The following CACNB2 variants were observed in gnomAD, a reference collection of about 807,000 sequenced individuals.
The protein encoded by CACNB2 is voltage-dependent L-type calcium channel subunit beta-2.
A neutral mutation model predicts 73.3 loss-of-function variants in CACNB2; 42 were observed. The observed-to-expected ratio is 0.57, with a 90% CI of 0.45 to 0.74. The LOEUF (loss-of-function observed/expected upper bound fraction) is 0.74. CACNB2 is among the 30% of genes least tolerant of loss of function. The pLI, the probability that CACNB2 is intolerant of heterozygous loss-of-function variation, is 0.00. For synonymous variants in CACNB2, 348 were observed against 310.3 expected, an observed-to-expected ratio of 1.12 and a Z score of -1.28; for missense variants, 940 against 853.0, an observed-to-expected ratio of 1.10 and a Z score of -1.27.
chr10:18,371,217 T>A (rs1016778688), intron 2 of CACNB2, among the ~76,000 whole-genome samples: 13 of 152,090 alleles, frequency 8.5e-5, no homozygotes, highest in Admixed American at 3.9e-4. Context: ...TTGTTTTTTT[T>A]AATTATACTT....
Position 18,444,243 on chromosome 10 carries a change from A to C in CACNB2, c.333+42200A>C, listed in dbSNP as rs1035021193. 7.2e-5 allele frequency among the ~76,000 whole-genome samples: 11 copies of C among 152,208 alleles called. No homozygotes were observed. In the South Asian group the frequency reaches 2.1e-3, roughly 29 times the overall value. ...AGTGCCCTTAGAAAAGAAGCCCCAG[A>C]GAGCTTCCTCATCCTTTCCACCAGG... On this transcript the variant is annotated intron_variant, in intron 3 of 13. Transcript: ENST00000324631.
At chr10:18,259,552 A>G in intron 2 of CACNB2, among the ~76,000 whole-genome samples, 1 of 122,168 alleles carries the variant, frequency 8.2e-6, no homozygotes, top group Admixed American at 8.2e-5. Context: ...TGAAAAAAAA[A>G]CAAAAAACAA....
intron 2 of CACNB2, among the ~76,000 whole-genome samples, chr10:18,292,333 G>A (rs138107692): frequency 9.8e-4 from 149 of 152,296 alleles, no homozygotes; most frequent in African/African-American, 3.3e-3. Flanking sequence ...ACAACGGCAT[G>A]TTAATCCTAA....
intron 2 of CACNB2, among the ~76,000 whole-genome samples, chr10:18,297,527 C>T (rs933311765): frequency 1.3e-5 from 2 of 152,144 alleles, no homozygotes; most frequent in Non-Finnish European, 2.9e-5. Context: ...CACTGCATTC[C>T]GGCCTGGATG....
chr10:18,490,405 A>G (rs998190717), intron 3 of CACNB2, among the ~76,000 whole-genome samples: 2 of 152,212 alleles, frequency 1.3e-5, no homozygotes, highest in Admixed American at 6.5e-5. Context: ...GAAACTGGAA[A>G]AGGAATCAAT....
intron 2 of CACNB2, among the ~76,000 whole-genome samples, chr10:18,298,668 A>T (rs1476090233): frequency 6.6e-6 from 1 of 152,166 alleles, no homozygotes; most frequent in Non-Finnish European, 1.5e-5. Flanking sequence ...GCTGGCTGTG[A>T]GTTGCAGCCC....
chr10:18,338,538 C>T (rs1260831496), intron 2 of CACNB2, among the ~76,000 whole-genome samples: 2 of 152,152 alleles, frequency 1.3e-5, no homozygotes, highest in African/African-American at 4.8e-5. Context: ...AAGTAGGTAA[C>T]TTCCAGACCC....
At chr10:18,232,029 C>T (rs889474821) in intron 2 of CACNB2, among the ~76,000 whole-genome samples, 1 of 152,124 alleles carries the variant, frequency 6.6e-6, no homozygotes, top group African/African-American at 2.4e-5. Flanking sequence ...TTTTCCTTCC[C>T]CAAGCACATA....
chr10:18,506,626 G>C, intron 6 of CACNB2, 79 bp downstream of exon 6: 1 of 885,946 alleles, frequency 1.1e-6, no homozygotes, highest in African/African-American at 1.6e-5. Flanking sequence ...GTGAATTTAC[G>C]TATACACTGA....
chr10:18,518,764 G>T (rs2051529594), intron 8 of CACNB2, 146 bp from the exon 9 acceptor site: 1 of 719,032 alleles, frequency 1.4e-6, no homozygotes, highest in Admixed American at 2.1e-5. Flanking sequence ...GAACTCAGAA[G>T]CAGAAAAATG....
At chr10:18,455,099 A>T (rs2047213217) in intron 3 of CACNB2, among the ~76,000 whole-genome samples, 1 of 152,060 alleles carries the variant, frequency 6.6e-6, no homozygotes, top group African/African-American at 2.4e-5. Flanking sequence ...CACCAAAGTC[A>T]TAATGAGAGT....
At position 18,538,385 on chromosome 10, in the gene CACNB2, A is replaced by G. The variant is rs534447096; in HGVS notation, c.1488+20A>G. ...TCACAGGTAAGGGGAGTTTTTATAT[A>G]TATCTATATATACAATCTTCATAGA... On this transcript the variant is annotated intron_variant, in intron 13 of 13. Transcript: ENST00000324631. The G allele has an allele frequency of 1.1e-5, 17 of 1,604,580 alleles. No individual in the cohort carries two copies. In the Admixed American group the frequency reaches 1.5e-4, roughly 14 times the overall value.
At chr10:18,466,948 A>G (rs898967185) in intron 3 of CACNB2, among the ~76,000 whole-genome samples, 1 of 152,176 alleles carries the variant, frequency 6.6e-6, no homozygotes, top group African/African-American at 2.4e-5. Context: ...TGAGGTCAGG[A>G]GCTGAGAGCA....
At chr10:18,405,150 A>G (rs1213088513) in intron 3 of CACNB2, among the ~76,000 whole-genome samples, 1 of 152,196 alleles carries the variant, frequency 6.6e-6, no homozygotes, top group Non-Finnish European at 1.5e-5. Context: ...TAAAGTGTAT[A>G]ATTCAGTGGT....
At chr10:18,529,518 G>A (rs2052789519) in intron 10 of CACNB2, among the ~76,000 whole-genome samples, 1 of 152,286 alleles carries the variant, frequency 6.6e-6, no homozygotes, top group Middle Eastern at 3.4e-3. Flanking sequence ...CTTTTCCAGG[G>A]AGCTGATCCT....
intron 2 of CACNB2, among the ~76,000 whole-genome samples, chr10:18,299,117 A>G (rs568452000): frequency 2.2e-4 from 33 of 151,542 alleles, no homozygotes; most frequent in South Asian, 1.5e-3. Context: ...AAAAAAATAA[A>G]ATAAAAAAAG....
chr10:18,424,005 T>C (rs1018185868), intron 3 of CACNB2, among the ~76,000 whole-genome samples: 4 of 152,054 alleles, frequency 2.6e-5, no homozygotes, highest in Non-Finnish European at 5.9e-5. Flanking sequence ...AAAAATTAAA[T>C]AATATATAAG....
chr10:18,495,522 A>G (rs1023204682), intron 3 of CACNB2, among the ~76,000 whole-genome samples: 1 of 150,758 alleles, frequency 6.6e-6, no homozygotes, highest in African/African-American at 2.5e-5. Context: ...CCCGGCCAAA[A>G]TATATTTTTA....
chr10:18,195,360 T>G (rs1489407803), intron 2 of CACNB2, among the ~76,000 whole-genome samples: 1 of 152,128 alleles, frequency 6.6e-6, no homozygotes, highest in Non-Finnish European at 1.5e-5. Context: ...TACAAGCCCA[T>G]CAACACACAT....
Sources: allele counts gnomAD v4.1 joint callset (sites outside exome capture counted in the v4.1 genomes callset), GRCh38; gene constraint gnomAD v4.1.1; transcripts MANE v1.5; gene names NCBI Gene and HGNC (gene_info 2026-07-23, HGNC 2026-07-21).